Variants in APIP observed in about 807,000 individuals in gnomAD.
APIP encodes the protein methylthioribulose-1-phosphate dehydratase.
A neutral mutation model predicts 32.0 loss-of-function variants in APIP; 32 were observed. The observed-to-expected ratio is 1.00, with a 90% confidence interval of 0.76 to 1.34. The LOEUF (loss-of-function observed/expected upper bound fraction) is 1.34. Among genes scored for constraint, APIP ranks in the 40% most tolerant of loss-of-function variants. The pLI, the probability that APIP is intolerant of heterozygous loss-of-function variation, is 0.00. For missense variants in APIP, 247 were observed against 298.6 expected (o/e 0.83, Z 1.27); for synonymous variants, 92 against 94.8 (o/e 0.97, Z 0.17).
intron 1 of APIP, among the ~76,000 whole-genome samples, chr11:34,899,901 C>T (rs568495805): frequency 2.6e-5 from 4 of 152,362 alleles, no homozygotes; most frequent in African/African-American, 9.6e-5. Context: ...CTTTTATTCT[C>T]ACTTCTCTTT....
Position 34,898,785 on chromosome 11 carries a change from GGTTTTTT to G in APIP, c.58-3682_58-3676del, listed in dbSNP as rs1193593169. ...GCGAGCACATAGTATTTCTTTCTTTGGTTTTTTTTTTTTTTTTTTTTTTTTTTTTTTG... is the reference window on the plus strand; with the variant it reads ...GCGAGCACATAGTATTTCTTTCTTTGTTTTTTTTTTTTTTTTTTTTTTTTG... On this transcript the variant is annotated intron_variant, in intron 1 of 6. Coordinates refer to ENST00000395787, the MANE Select transcript of APIP (RefSeq NM_015957.4). Among the ~76,000 whole-genome samples, 60 of 92,092 alleles carry G rather than the reference GGTTTTTT, an allele frequency of 6.5e-4. 4 individuals are homozygous for G. Among genetic ancestry groups the G allele is most frequent in the South Asian group, 6.0e-3 (16 of 2,656 alleles). 60.4% of individuals were successfully genotyped at this position (92,092 alleles called of 152,430 possible).
At chr11:34,911,239 A>G (rs143816472) in intron 1 of APIP, among the ~76,000 whole-genome samples, 4 of 151,454 alleles carry the variant, frequency 2.6e-5, no homozygotes, top group East Asian at 3.9e-4. Flanking sequence ...GAGGTCAAGG[A>G]AAAAAAAAGG....
chr11:34,913,344 G>A (rs777985583), intron 1 of APIP, among the ~76,000 whole-genome samples: 18 of 152,042 alleles, frequency 1.2e-4, no homozygotes, highest in African/African-American at 3.6e-4. Context: ...ATGAAGCCGC[G>A]GACCCTTGCG....
intron 2 of APIP, among the ~76,000 whole-genome samples, chr11:34,894,694 G>A (rs1458723230): frequency 6.6e-6 from 1 of 152,122 alleles, no homozygotes; most frequent in Non-Finnish European, 1.5e-5. Flanking sequence ...TATCTACCTA[G>A]AGAGGATCCT....
intron 1 of APIP, among the ~76,000 whole-genome samples, chr11:34,899,186 C>G (rs1279104171): frequency 6.6e-6 from 1 of 152,190 alleles, no homozygotes; most frequent in Admixed American, 6.5e-5. Flanking sequence ...AATAGTATTT[C>G]TAAACCAACA....
chr11:34,888,919 A>T (rs757624142), intron 3 of APIP, 50 bp from the exon 4 acceptor site: 2 of 1,095,472 alleles, frequency 1.8e-6, no homozygotes, highest in Non-Finnish European at 1.3e-6. Flanking sequence ...TAAAATATCA[A>T]TTAGAAATGT....
intron 1 of APIP, among the ~76,000 whole-genome samples, chr11:34,897,931 C>T (rs1208732786): frequency 1.3e-5 from 2 of 152,066 alleles, no homozygotes; most frequent in Non-Finnish European, 2.9e-5. Flanking sequence ...ACTGTTTTCC[C>T]GCTCCACTTG....
intron 2 of APIP, among the ~76,000 whole-genome samples, chr11:34,893,783 G>A (rs537287814): frequency 6.6e-6 from 1 of 152,262 alleles, no homozygotes; most frequent in African/African-American, 2.4e-5. Flanking sequence ...AAATTATAAT[G>A]GCATCATCTT....
intron 1 of APIP, among the ~76,000 whole-genome samples, chr11:34,908,811 A>G (rs1407344200): frequency 6.6e-6 from 1 of 152,232 alleles, no homozygotes. Context: ...AGTCAGAAAG[A>G]ATGCTTAGTA....
chr11:34,894,039 T>A (rs932235012), intron 2 of APIP, among the ~76,000 whole-genome samples: 4 of 152,188 alleles, frequency 2.6e-5, no homozygotes, highest in Admixed American at 2.0e-4. Context: ...AAAAAAAGAT[T>A]AATCCTGTAT....
intron 1 of APIP, among the ~76,000 whole-genome samples, chr11:34,902,573 T>TA (rs1407569979): frequency 1.3e-5 from 2 of 152,142 alleles, no homozygotes; most frequent in Non-Finnish European, 2.9e-5. Context: ...CTCAAGCAAC[T>TA]AAGAGGATTT....
At chr11:34,905,219 C>T (rs539002944) in intron 1 of APIP, among the ~76,000 whole-genome samples, 1 of 152,344 alleles carries the variant, frequency 6.6e-6, no homozygotes, top group South Asian at 2.1e-4. Context: ...TACTATCACT[C>T]AGTCTATTAG....
chr11:34,903,897 A>C (rs2133918730), intron 1 of APIP, among the ~76,000 whole-genome samples: 1 of 152,340 alleles, frequency 6.6e-6, no homozygotes, highest in East Asian at 1.9e-4. Flanking sequence ...TCCTTCACCA[A>C]GGTTTTCACT....
At position 34,888,422 on chromosome 11, in the gene APIP, C is replaced by G. The variant is rs142737858; in HGVS notation, c.332G>C (p.Gly111Ala). ...FMNAYTMRGA[G>A]AVIHTHSKAA... The stretch of plus-strand genomic sequence containing the variant: ...TTTAGAGTGGGTATGAATCACTGCA[C>G]CTGCTCCTGAAGGAGGAAGAAGAAA... The change falls in exon 5 of 7, where the codon GGT becomes GCT. Residue 111 changes from glycine to alanine, a missense_variant. Gly to Ala is a moderately conservative substitution (Grantham distance 60). Coordinates refer to ENST00000395787, the MANE Select transcript of APIP (RefSeq NM_015957.4). The G allele has an allele frequency of 1.4e-5, 23 of 1,606,448 alleles. No homozygotes were observed. The African/African-American group carries it at 3.1e-4, about 22-fold the overall frequency.
In APIP at chr11:34,916,356, G is replaced by C. The variant is rs767425029; in HGVS notation, c.-72C>G. 8 of 1,577,444 alleles carry C rather than the reference G, an allele frequency of 5.1e-6. No individual in the cohort carries two copies. The highest frequency in any genetic ancestry group is 3.4e-5 in the South Asian group (3 of 86,994). On this transcript the variant is annotated 5_prime_UTR_variant, in exon 1 of 7. Transcript: ENST00000395787. ...GCGCGCGGCGCTTAGCCTGGGATAC[G>C]GCAGCGAGGCCGCAAATGCAATCAG...
At chr11:34,906,933 C>G (rs1186710882) in intron 1 of APIP, among the ~76,000 whole-genome samples, 1 of 152,208 alleles carries the variant, frequency 6.6e-6, no homozygotes, top group East Asian at 1.9e-4. Flanking sequence ...ATCATTTCCT[C>G]TTGCCTAGAA....
intron 1 of APIP, among the ~76,000 whole-genome samples, chr11:34,903,776 T>A (rs1024033055): frequency 3.9e-5 from 6 of 152,022 alleles, no homozygotes; most frequent in Non-Finnish European, 2.9e-5. Flanking sequence ...CCTACAGAAA[T>A]AGAATGGACC....
chr11:34,891,917 C>T (rs1853192364), intron 2 of APIP, among the ~76,000 whole-genome samples: 1 of 152,160 alleles, frequency 6.6e-6, no homozygotes, highest in South Asian at 2.1e-4. Flanking sequence ...GTCCACTCAC[C>T]TCCACAGATA....
In APIP at chr11:34,883,361, TC is replaced by T; in HGVS notation, c.604del (p.Glu202LysfsTer23). The T allele has an allele frequency of 6.2e-7, 1 of 1,611,038 alleles. No individual in the cohort carries two copies. On this transcript the variant is annotated frameshift_variant, in exon 6 of 7. Coordinates refer to ENST00000395787, the MANE Select transcript of APIP (RefSeq NM_015957.4). LOFTEE classifies it high-confidence loss of function. ...CATGGTTTTGGCCTTCTCCCATGTT[TC>T]CCCCCACACATATACTCCATGACGT... ...VRRHGVYVWG[E>X]TWEKAKTMCE...
Sources: gnomAD v4.1 joint callset for allele counts (sites outside exome capture counted in the v4.1 genomes callset) on GRCh38, gnomAD v4.1.1 for gene constraint, MANE v1.5 for transcripts, NCBI Gene and HGNC (gene_info 2026-07-23, HGNC 2026-07-21) for gene names.